Variants in ZDHHC11B observed in about 807,000 individuals in gnomAD.
The protein encoded by ZDHHC11B is zDHHC palmitoyltransferase 11B (putative).
In ZDHHC11B, 17 loss-of-function variants were observed where a neutral mutation model predicts 42.3. That is an observed-to-expected ratio of 0.40 (90% CI 0.27 to 0.60). The LOEUF (loss-of-function observed/expected upper bound fraction) is 0.60. Among genes scored for constraint, ZDHHC11B ranks in the 20% least tolerant of loss-of-function variants. ZDHHC11B has a pLI of 0.41. For synonymous variants in ZDHHC11B, 123 were observed against 193.5 expected (o/e 0.64, Z 3.02); for missense variants, 262 against 463.2 (o/e 0.57, Z 3.99).
intron 12 of ZDHHC11B, among the ~76,000 whole-genome samples, chr5:718,479 C>G (rs1296872553): frequency 2.6e-5 from 4 of 151,592 alleles, no homozygotes; most frequent in African/African-American, 9.7e-5. Flanking sequence ...CGAGAACATC[C>G]TGGCTAACAT....
At chr5:777,205 G>A (rs1382030074) in intron 1 of ZDHHC11B, among the ~76,000 whole-genome samples, 1 of 151,908 alleles carries the variant, frequency 6.6e-6, no homozygotes, top group Non-Finnish European at 1.5e-5. Context: ...GACTTTAGGA[G>A]TGAAGCCGCG....
At chr5:776,440 C>G (rs566433933) in intron 1 of ZDHHC11B, among the ~76,000 whole-genome samples, 163 of 151,948 alleles carry the variant, frequency 1.1e-3, no homozygotes, top group Non-Finnish European at 2.0e-3. Flanking sequence ...ACAGGAATGG[C>G]ACAGCCCCAA....
rs1741850049 is a variant in ZDHHC11B, at chr5:717,570, C to T, written c.1059-705G>A. 2.0e-5 allele frequency among the ~76,000 whole-genome samples: 3 copies of T among 151,860 alleles called. 1 individual carries two copies. In the South Asian group the frequency reaches 6.2e-4, roughly 32 times the overall value. On this transcript the variant is annotated intron_variant, in intron 12 of 13. Transcript: ENST00000508859. ...CTAAATCAAAACAGCGTATCCATCA[C>T]ATGCTATAGTCTCCCTTCTCTGATC...
intron 9 of ZDHHC11B, among the ~76,000 whole-genome samples, chr5:743,357 T>C (rs113483231): frequency 2.7e-5 from 4 of 148,942 alleles, no homozygotes; most frequent in African/African-American, 9.9e-5. Context: ...CAATTTTATT[T>C]TTTCTCAAAA....
intron 10 of ZDHHC11B, among the ~76,000 whole-genome samples, chr5:740,659 C>T (rs1305031603): frequency 1.4e-5 from 2 of 147,016 alleles, no homozygotes; most frequent in Admixed American, 7.0e-5. Flanking sequence ...ATTTGTATAA[C>T]CTTAGAGTAA....
At chr5:760,347 T>C (rs1734435070) in intron 4 of ZDHHC11B, among the ~76,000 whole-genome samples, 1 of 151,646 alleles carries the variant, frequency 6.6e-6, no homozygotes, top group Non-Finnish European at 1.5e-5. Context: ...ATGACTGGCA[T>C]CTTTACAAAA....
chr5:733,458 A>C (rs1743210809), intron 11 of ZDHHC11B, among the ~76,000 whole-genome samples: 2 of 151,346 alleles, frequency 1.3e-5, no homozygotes, highest in Admixed American at 6.6e-5. Flanking sequence ...TGGGCACTTC[A>C]GACCCTGCCC....
intron 1 of ZDHHC11B, among the ~76,000 whole-genome samples, chr5:774,972 G>A (rs1206627718): frequency 6.6e-6 from 1 of 152,022 alleles, no homozygotes; most frequent in Non-Finnish European, 1.5e-5. Context: ...TGCTGGCAGA[G>A]GAGGCTGGTG....
intron 7 of ZDHHC11B, among the ~76,000 whole-genome samples, chr5:749,324 A>T (rs1164029968): frequency 1.5e-5 from 2 of 130,408 alleles, no homozygotes; most frequent in Non-Finnish European, 3.4e-5. Context: ...CACTTCCAAA[A>T]ATCAGGCGTA....
At chr5:736,191 C>A (rs1743493405) in intron 10 of ZDHHC11B, among the ~76,000 whole-genome samples, 1 of 149,708 alleles carries the variant, frequency 6.7e-6, no homozygotes, top group African/African-American at 2.5e-5. Context: ...ACTCAACAGA[C>A]TTTAAAGCCA....
chr5:718,023 T>C (rs1168400414), intron 12 of ZDHHC11B, among the ~76,000 whole-genome samples: 3 of 151,686 alleles, frequency 2.0e-5, no homozygotes, highest in Non-Finnish European at 2.9e-5. Flanking sequence ...ACTCAGTAAG[T>C]AAAGGAGAAC....
chr5:717,194 C>T (rs567750597), intron 12 of ZDHHC11B, among the ~76,000 whole-genome samples: 3 of 151,562 alleles, frequency 2.0e-5, no homozygotes, highest in African/African-American at 4.9e-5. Flanking sequence ...ATGTGGGGCC[C>T]ACAGGAGGTC....
intron 4 of ZDHHC11B, among the ~76,000 whole-genome samples, chr5:761,515 A>G (rs1380568369): frequency 1.3e-5 from 2 of 151,916 alleles, no homozygotes; most frequent in East Asian, 3.9e-4. Flanking sequence ...GCAGGGCCAC[A>G]GGGCACACCT....
At chr5:776,977 C>G (rs534381415) in intron 1 of ZDHHC11B, among the ~76,000 whole-genome samples, 2 of 152,036 alleles carry the variant, frequency 1.3e-5, no homozygotes, top group South Asian at 2.1e-4. Context: ...CCAATCAGAA[C>G]AAAGCTGGCA....
chr5:764,366 G>A (rs765650710), intron 4 of ZDHHC11B, among the ~76,000 whole-genome samples: 33 of 149,810 alleles, frequency 2.2e-4, no homozygotes, highest in Non-Finnish European at 3.8e-4. Flanking sequence ...CGGCTCCCTC[G>A]GCTTGTGGGG....
intron 1 of ZDHHC11B, among the ~76,000 whole-genome samples, chr5:773,768 C>A (rs1343504758): frequency 6.6e-6 from 1 of 151,934 alleles, no homozygotes; most frequent in South Asian, 2.1e-4. Flanking sequence ...GAGCCCACCC[C>A]ACTTGCGCCC....
intron 4 of ZDHHC11B, 122 bp from the exon 5 acceptor site, chr5:756,266 C>G (rs1410338579): frequency 6.3e-6 from 9 of 1,419,566 alleles, no homozygotes; most frequent in African/African-American, 1.7e-5. Flanking sequence ...CAGCCCTGCA[C>G]ACGTGAGCCC....
chr5:778,359 G>A (rs1736714899), intron 1 of ZDHHC11B, among the ~76,000 whole-genome samples: 2 of 151,182 alleles, frequency 1.3e-5, no homozygotes, highest in Non-Finnish European at 3.0e-5. Context: ...GGACAGCAAG[G>A]ACTCTCACGC....
intron 4 of ZDHHC11B, 24 bp downstream of exon 4, chr5:766,674 A>C: frequency 6.3e-7 from 1 of 1,590,076 alleles, no homozygotes. Context: ...TCCCGCTTAG[A>C]CCATGCCACG....
Sources: gnomAD v4.1 joint callset for allele counts (sites outside exome capture counted in the v4.1 genomes callset) on GRCh38, gnomAD v4.1.1 for gene constraint, MANE v1.5 for transcripts, NCBI Gene and HGNC (gene_info 2026-07-23, HGNC 2026-07-21) for gene names.